USP30: variants seen among roughly 807,000 people sequenced by gnomAD.
USP30 encodes the protein ubiquitin specific peptidase 30.
USP30 carries 41 observed loss-of-function variants against 68.2 expected under a neutral mutation model. The ratio of observed to expected loss-of-function variants is 0.60; its 90% confidence interval spans 0.47 to 0.78. USP30 has a LOEUF of 0.78. Ranked by LOEUF, USP30 falls within the 30% of genes least tolerant of loss-of-function variation. The pLI, the probability that USP30 is intolerant of heterozygous loss-of-function variation, is 0.00. For missense variants in USP30, 522 were observed against 649.4 expected, an observed-to-expected ratio of 0.80 and a Z score of 2.13; for synonymous variants, 229 against 253.7, an observed-to-expected ratio of 0.90 and a Z score of 0.93.
At chr12:109,042,809 T>C (rs999435944) in intron 3 of USP30, among the ~76,000 whole-genome samples, 1 of 152,066 alleles carries the variant, frequency 6.6e-6, no homozygotes, top group Non-Finnish European at 1.5e-5. Flanking sequence ...AGAAGCAAAA[T>C]TATCATTGTT....
At chr12:109,034,923 A>G (rs186202475) in intron 3 of USP30, among the ~76,000 whole-genome samples, 5 of 152,116 alleles carry the variant, frequency 3.3e-5, no homozygotes, top group Admixed American at 6.5e-5. Context: ...TTTGTCTGAT[A>G]TTAGTGTAAT....
At chr12:109,068,353 G>A (rs2041325937) in intron 4 of USP30, among the ~76,000 whole-genome samples, 1 of 152,128 alleles carries the variant, frequency 6.6e-6, no homozygotes, top group Non-Finnish European at 1.5e-5. Flanking sequence ...CGGCATCTTG[G>A]ACCTCCCAAA....
At chr12:109,084,261 T>G (rs1173619859) in intron 11 of USP30, among the ~76,000 whole-genome samples, 2 of 152,210 alleles carry the variant, frequency 1.3e-5, no homozygotes, top group Admixed American at 1.3e-4. Flanking sequence ...AGGAAACTAC[T>G]TGGTACATAA....
At chr12:109,067,728 A>G (rs998504144) in intron 4 of USP30, 101 bp downstream of exon 4, 2 of 974,050 alleles carry the variant, frequency 2.1e-6, no homozygotes, top group Non-Finnish European at 3.1e-6. Context: ...CATTTCTGTG[A>G]CATTTTAGAC....
Position 109,085,791 on chromosome 12 carries a change from C to T in USP30, c.1414C>T (p.Gln472Ter). Residue 472 changes from glutamine (Q) to a stop codon, truncating the protein, a stop_gained, in exon 13 of 13, where the codon CAG becomes TAG. Coordinates refer to ENST00000257548, the MANE Select transcript of USP30 (RefSeq NM_032663.5). LOFTEE classifies it high-confidence loss of function. ...CAGGAACCCTCTCTCAACTAGCAAT[C>T]AGTGGCTGTGGGTCTCCGATGACAC... The part of the protein sequence containing the change: ...SARNPLSTSN[Q>*]WLWVSDDTVR... 6.2e-7 allele frequency: 1 copy of T among 1,614,248 alleles called. No homozygotes were observed. Among genetic ancestry groups the T allele is most frequent in the Non-Finnish European group, 8.5e-7 (1 of 1,180,048 alleles).
At chr12:109,055,877 G>C (rs867119883) in intron 1 of USP30, among the ~76,000 whole-genome samples, 6 of 151,542 alleles carry the variant, frequency 4.0e-5, no homozygotes, top group South Asian at 2.1e-4. Context: ...GTTAGAAGGT[G>C]GTTAAGTTCT....
chr12:109,060,132 T>A (rs2041018275), intron 3 of USP30: 1 of 152,166 alleles, frequency 6.6e-6, no homozygotes, highest in Non-Finnish European at 1.5e-5. Flanking sequence ...AATTTTTTTT[T>A]AATTTGGGTG....
At position 109,082,920 on chromosome 12, in the gene USP30, C is replaced by T. The variant is rs767094298; in HGVS notation, c.1026C>T (p.His342=). ...SHGTPLKRHE[H]VQFNEFLMMD... Reference sequence around the variant, plus strand: ...GCACGCCTCTGAAGCGGCATGAGCACGTGCAGTTCAATGAGTTCCTGATGA... The same window carrying T: ...GCACGCCTCTGAAGCGGCATGAGCATGTGCAGTTCAATGAGTTCCTGATGA... The change falls in exon 11 of 13, where the codon CAC becomes CAT. Residue 342 remains histidine, a synonymous_variant. Coordinates refer to ENST00000257548, the MANE Select transcript of USP30 (RefSeq NM_032663.5). The T allele has an allele frequency of 5.6e-6, 9 of 1,614,118 alleles. No homozygotes were observed. Among genetic ancestry groups the T allele is most frequent in the East Asian group, 4.5e-5 (2 of 44,896 alleles).
chr12:109,051,173 G>A (rs1263704235), upstream of USP30, among the ~76,000 whole-genome samples: 9 of 149,774 alleles, frequency 6.0e-5, no homozygotes, highest in East Asian at 3.9e-4. Flanking sequence ...ATAGGCATAA[G>A]CCACTGCACC....
intron 3 of USP30, among the ~76,000 whole-genome samples, chr12:109,061,432 G>A (rs1363617049): frequency 6.6e-6 from 1 of 150,938 alleles, no homozygotes; most frequent in Non-Finnish European, 1.5e-5. Context: ...TTTTAGACAG[G>A]GTTCTTCTGT....
At chr12:109,051,082 G>T (rs1261132271), upstream of USP30, among the ~76,000 whole-genome samples, 1 of 152,076 alleles carries the variant, frequency 6.6e-6, no homozygotes, top group Non-Finnish European at 1.5e-5. Context: ...GTAGCCATGG[G>T]TTCTTGCTAT....
chr12:109,036,295 ATTTC>A (rs200384603), intron 3 of USP30, among the ~76,000 whole-genome samples: 14,421 of 146,868 alleles, frequency 0.098, 723 homozygotes, highest in African/African-American at 0.15. Flanking sequence ...TCCTTTTAGT[ATTTC>A]TTTCTTTCTT....
chr12:109,046,446 T>G (rs879779427), intron 3 of USP30, among the ~76,000 whole-genome samples: 2 of 151,536 alleles, frequency 1.3e-5, no homozygotes, highest in Non-Finnish European at 2.9e-5. Context: ...TCTTCAGGCC[T>G]TCAATTAATT....
At chr12:109,069,292 C>T (rs2041355465) in intron 4 of USP30, among the ~76,000 whole-genome samples, 1 of 152,200 alleles carries the variant, frequency 6.6e-6, no homozygotes, top group Non-Finnish European at 1.5e-5. Context: ...CAAGCCTGGG[C>T]CCAGATGCCT....
At chr12:109,062,902 C>G (rs746020241) in intron 3 of USP30, among the ~76,000 whole-genome samples, 1 of 152,102 alleles carries the variant, frequency 6.6e-6, no homozygotes, top group Non-Finnish European at 1.5e-5. Flanking sequence ...AACCACTGCC[C>G]TACTTTCTCT....
In USP30 at chr12:109,073,440, T is replaced by C; in HGVS notation, c.628T>C (p.Ser210Pro). ...PKQITCRTRG[S>P]PHPTSNHWKS... ...TCAAAAAACTTTTTGCATTCCAGGG[T>C]CACCTCACCCTACATCCAATCACTG... The change falls in exon 7 of 13, where the codon TCA (serine) becomes CCA (proline). Residue 210 changes from serine (S) to proline (P), a missense_variant and splice_region_variant. Transcript: ENST00000257548. 6.2e-7 allele frequency: 1 copy of C among 1,613,582 alleles called. No homozygotes were observed. Among genetic ancestry groups the C allele is most frequent in the African/African-American group, 1.3e-5 (1 of 75,050 alleles).
At chr12:109,029,942 A>G (rs1383043500) in intron 3 of USP30, among the ~76,000 whole-genome samples, 2 of 152,148 alleles carry the variant, frequency 1.3e-5, no homozygotes, top group Admixed American at 1.3e-4. Flanking sequence ...CAGCCCTCCC[A>G]TAATCCCTCC....
intron 11 of USP30, among the ~76,000 whole-genome samples, chr12:109,083,480 C>T (rs990308886): frequency 6.6e-6 from 1 of 152,062 alleles, no homozygotes; most frequent in Non-Finnish European, 1.5e-5. Context: ...GTTGAAATGC[C>T]TTCTGTACTG....
At chr12:109,057,816 A>G in intron 2 of USP30, 110 bp from the exon 3 acceptor site, 1 of 1,216,382 alleles carries the variant, frequency 8.2e-7, no homozygotes, top group Non-Finnish European at 1.2e-6. Context: ...ATCTTCTTGG[A>G]TCGGGATTCC....
Sources: gnomAD v4.1 joint callset for allele counts (sites outside exome capture counted in the v4.1 genomes callset) on GRCh38, gnomAD v4.1.1 for gene constraint, MANE v1.5 for transcripts, NCBI Gene and HGNC (gene_info 2026-07-23, HGNC 2026-07-21) for gene names.